Variants in CNTNAP2 observed in about 807,000 individuals in gnomAD.
CNTNAP2 encodes the protein contactin associated protein 2, also known as contactin-associated protein-like 2.
A neutral mutation model predicts 155.2 loss-of-function variants in CNTNAP2; 98 were observed. That is an observed-to-expected ratio of 0.63 (90% confidence interval 0.54 to 0.75). The LOEUF is 0.75. CNTNAP2 is among the 30% of genes least tolerant of loss of function. The pLI is 0.00. For missense variants in CNTNAP2, 1,727 were observed against 1,688.1 expected (o/e 1.02, Z -0.40); for synonymous variants, 651 against 631.2 (o/e 1.03, Z -0.47).
chr7:146,419,603 G>A (rs1014783460), intron 1 of CNTNAP2, among the ~76,000 whole-genome samples: 1 of 151,978 alleles, frequency 6.6e-6, no homozygotes, highest in Non-Finnish European at 1.5e-5. Context: ...AATAGTAAAT[G>A]GGCAAGAGTT....
chr7:146,911,474 C>T (rs1261854810), intron 3 of CNTNAP2, among the ~76,000 whole-genome samples: 1 of 151,848 alleles, frequency 6.6e-6, no homozygotes, highest in Non-Finnish European at 1.5e-5. Flanking sequence ...TACTATGCAG[C>T]CATAAAAGTT....
chr7:146,727,268 G>A (rs192417152), intron 1 of CNTNAP2, among the ~76,000 whole-genome samples: 5 of 152,242 alleles, frequency 3.3e-5, no homozygotes, highest in East Asian at 3.9e-4. Context: ...TATGTACACC[G>A]ATTTTGGTAA....
rs573585443 is a variant in CNTNAP2 at position 147,386,217 on chromosome 7, G to C, written c.1499-9392G>C. ...AACCTCCAGGCCTGTGATGGGAGGG[G>C]CTGCCGCAAAGTTCTGACATGCCCT... is the stretch of plus-strand genomic sequence containing the variant. On this transcript the variant is annotated intron_variant, in intron 9 of 23. Coordinates refer to ENST00000361727, the MANE Select transcript of CNTNAP2 (RefSeq NM_014141.6). Among the ~76,000 whole-genome samples, 46 of 152,234 alleles carry C rather than the reference G, an allele frequency of 3.0e-4. 1 individual carries two copies. Among genetic ancestry groups the C allele is most frequent in the African/African-American group, 1.1e-3 (45 of 41,560 alleles).
intron 1 of CNTNAP2, among the ~76,000 whole-genome samples, chr7:146,278,546 T>C (rs1800200601): frequency 6.6e-6 from 1 of 152,188 alleles, no homozygotes; most frequent in African/African-American, 2.4e-5. Context: ...TTAGTCCCTT[T>C]GGTTGTAAGT....
rs555055935 is a variant in CNTNAP2 at position 147,353,936 on chromosome 7, C to A, written c.1499-41673C>A. Among the ~76,000 whole-genome samples, 201 of 151,360 alleles carry A rather than the reference C, an allele frequency of 1.3e-3. 1 individual carries two copies. The highest frequency in any genetic ancestry group is 2.5e-3 in the Non-Finnish European group (171 of 67,886). ...TCATGTTTGTTGGTCGCAAAAATGT[C>A]TTCCTTTGAAAAGTGTCTGTTCATA... On this transcript the variant is annotated intron_variant, in intron 9 of 23. Coordinates refer to ENST00000361727, the MANE Select transcript of CNTNAP2 (RefSeq NM_014141.6).
rs766466145 is a variant in CNTNAP2, at chr7:146,949,451, A to C, written c.403-94456A>C. On this transcript the variant is annotated intron_variant, in intron 3 of 23. Coordinates refer to ENST00000361727, the MANE Select transcript of CNTNAP2 (RefSeq NM_014141.6). The stretch of plus-strand genomic sequence containing the variant: ...TCTCCACGTTGCCTGGTAAACCTCT[A>C]TGGTCCTGAGGTTTTGACTCTGATC... Among the ~76,000 whole-genome samples the C allele has an allele frequency of 4.3e-4, 66 of 152,020 alleles. 2 individuals carry two copies. The highest frequency in any genetic ancestry group is 1.2e-4 in the Non-Finnish European group (8 of 68,016).
At chr7:146,753,542 C>A (rs1387968906) in intron 1 of CNTNAP2, among the ~76,000 whole-genome samples, 5 of 152,076 alleles carry the variant, frequency 3.3e-5, no homozygotes, top group Admixed American at 6.6e-5. Context: ...AATGATTTGA[C>A]TTTCAATATT....
chr7:147,518,931 TG>T (rs1799180210), intron 11 of CNTNAP2, among the ~76,000 whole-genome samples: 2 of 132,272 alleles, frequency 1.5e-5, no homozygotes, highest in Admixed American at 8.1e-5. Flanking sequence ...CTCGGGAGGC[TG>T]AGGCAGGAGA....
intron 1 of CNTNAP2, among the ~76,000 whole-genome samples, chr7:146,125,025 T>A (rs1356526856): frequency 1.3e-5 from 2 of 152,192 alleles, no homozygotes; most frequent in African/African-American, 2.4e-5. Context: ...TACTTATGAT[T>A]TAAGTCACTT....
At chr7:148,407,114 G>A (rs10215471) in intron 22 of CNTNAP2, among the ~76,000 whole-genome samples, 44,541 of 151,940 alleles carry the variant, frequency 0.29, 6,934 homozygotes, top group Non-Finnish European at 0.35. Context: ...GAAGATTCAG[G>A]TTTAAAAAAG....
chr7:146,780,189 G>T (rs1488483446), intron 2 of CNTNAP2, among the ~76,000 whole-genome samples: 1 of 126,792 alleles, frequency 7.9e-6, no homozygotes, highest in Non-Finnish European at 1.8e-5. Flanking sequence ...GTTGTTTCCT[G>T]ACTGTTTTTT....
chr7:146,685,136 A>T (rs1459296841), intron 1 of CNTNAP2, among the ~76,000 whole-genome samples: 1 of 152,184 alleles, frequency 6.6e-6, no homozygotes, highest in East Asian at 1.9e-4. Flanking sequence ...GGGATTACAC[A>T]TCTAGATAGT....
At chr7:146,514,509 A>T (rs1356493876) in intron 1 of CNTNAP2, among the ~76,000 whole-genome samples, 1 of 151,092 alleles carries the variant, frequency 6.6e-6, no homozygotes, top group East Asian at 2.0e-4. Flanking sequence ...TGCTGCTGAG[A>T]CTCTCTGATG....
At chr7:147,465,960 T>C (rs992947381) in intron 10 of CNTNAP2, among the ~76,000 whole-genome samples, 1 of 152,198 alleles carries the variant, frequency 6.6e-6, no homozygotes, top group Admixed American at 6.5e-5. Flanking sequence ...ATGTAAACAT[T>C]GCCATATTTA....
chr7:146,669,497 A>T (rs2129167723), intron 1 of CNTNAP2, among the ~76,000 whole-genome samples: 1 of 152,286 alleles, frequency 6.6e-6, no homozygotes, highest in South Asian at 2.1e-4. Flanking sequence ...ATCTCATGCC[A>T]AAAACAAATG....
chr7:148,364,985 C>T (rs150640862), intron 21 of CNTNAP2, among the ~76,000 whole-genome samples: 1,772 of 152,264 alleles, frequency 0.012, 38 homozygotes, highest in African/African-American at 0.04. Context: ...GAAGAAACTC[C>T]GAACACATCT....
intron 3 of CNTNAP2, among the ~76,000 whole-genome samples, chr7:146,847,933 G>A (rs532829234): frequency 5.1e-4 from 78 of 152,268 alleles, no homozygotes; most frequent in African/African-American, 1.8e-3. Flanking sequence ...TTGATAAAGT[G>A]CGTTAACTTC....
chr7:147,244,395 A>G (rs1804010900), intron 8 of CNTNAP2, among the ~76,000 whole-genome samples: 1 of 152,226 alleles, frequency 6.6e-6, no homozygotes, highest in South Asian at 2.1e-4. Flanking sequence ...TTAAAAAAAT[A>G]TATATTAAAT....
chr7:148,412,104 A>C (rs565753430), intron 23 of CNTNAP2, among the ~76,000 whole-genome samples: 91 of 101,412 alleles, frequency 9.0e-4, no homozygotes, highest in African/African-American at 3.6e-3. Flanking sequence ...CACCATGTCC[A>C]GCTAATTTTT....
Sources: gnomAD v4.1 joint callset for allele counts (sites outside exome capture counted in the v4.1 genomes callset) on GRCh38, gnomAD v4.1.1 for gene constraint, MANE v1.5 for transcripts, NCBI Gene and HGNC (gene_info 2026-07-23, HGNC 2026-07-21) for gene names.